The following CYYR1 variants were observed in gnomAD, a reference collection of about 807,000 sequenced individuals.
CYYR1 encodes the protein cysteine and tyrosine-rich protein 1.
CYYR1 carries 14 observed loss-of-function variants against 15.2 expected under a neutral mutation model. That is an observed-to-expected ratio of 0.92 (90% confidence interval 0.61 to 1.44). The LOEUF (loss-of-function observed/expected upper bound fraction) is 1.44, where lower values mean the gene tolerates loss of function less well. CYYR1 is among the 40% of genes most tolerant of loss of function. The probability of loss-of-function intolerance (pLI) is 0.00; values close to 1 mark genes in which losing one functional copy is unlikely to be tolerated. For synonymous variants in CYYR1, 80 were observed against 77.4 expected, an observed-to-expected ratio of 1.03 and a Z score of -0.18; for missense variants, 228 against 209.5, an observed-to-expected ratio of 1.09 and a Z score of -0.54.
At chr21:26,566,136 A>G (rs1980597170) in intron 2 of CYYR1, 130 bp downstream of exon 2, 2 of 642,446 alleles carry the variant, frequency 3.1e-6, no homozygotes, top group Non-Finnish European at 5.4e-6. Context: ...ATCTCCAGTA[A>G]AGATTTCATG....
Position 26,558,134 on chromosome 21 carries a change from C to T in CYYR1, c.176+8132G>A, listed in dbSNP as rs151258467. On this transcript the variant is annotated intron_variant, in intron 2 of 3. Transcript: ENST00000652641. Reference sequence around the variant, plus strand: ...GTAATGCCTGGGAGTTGGTTACAAGCGCAGAATTTCAGGCCCCATCCAGAC... The same window carrying T: ...GTAATGCCTGGGAGTTGGTTACAAGTGCAGAATTTCAGGCCCCATCCAGAC... Among the ~76,000 whole-genome samples, 55 of 152,260 alleles carry T rather than the reference C, an allele frequency of 3.6e-4. No homozygotes were observed. In the East Asian group the frequency reaches 8.9e-3, roughly 25 times the overall value.
intron 2 of CYYR1, among the ~76,000 whole-genome samples, chr21:26,564,145 A>T (rs1569179951): frequency 3.3e-5 from 5 of 151,928 alleles, no homozygotes. Context: ...TCTGGAATTA[A>T]TTTTTTTCCT....
intron 2 of CYYR1, among the ~76,000 whole-genome samples, chr21:26,493,089 G>A (rs903140523): frequency 1.3e-5 from 2 of 152,138 alleles, no homozygotes; most frequent in Non-Finnish European, 2.9e-5. Context: ...ACACAGAAAT[G>A]CCATAGGAAT....
intron 2 of CYYR1, among the ~76,000 whole-genome samples, chr21:26,498,347 A>C (rs2065434995): frequency 6.6e-6 from 1 of 152,204 alleles, no homozygotes; most frequent in Non-Finnish European, 1.5e-5. Context: ...AAAGATGTTA[A>C]GGAAGAAGTA....
intron 2 of CYYR1, among the ~76,000 whole-genome samples, chr21:26,517,361 A>T (rs1176508603): frequency 6.6e-6 from 1 of 152,178 alleles, no homozygotes; most frequent in East Asian, 1.9e-4. Flanking sequence ...TGTCAGATAA[A>T]TCTAATTATT....
intron 2 of CYYR1, among the ~76,000 whole-genome samples, chr21:26,554,571 G>A (rs1186228772): frequency 6.6e-6 from 1 of 151,956 alleles, no homozygotes; most frequent in African/African-American, 2.4e-5. Context: ...ATTTGATTAA[G>A]GGCACCATTT....
chr21:26,560,040 T>C (rs527777017), intron 2 of CYYR1, among the ~76,000 whole-genome samples: 2 of 152,282 alleles, frequency 1.3e-5, no homozygotes, highest in African/African-American at 2.4e-5. Context: ...AGAACTGCCA[T>C]GTTTAAATAT....
At chr21:26,509,373 C>A (rs1249359634) in intron 2 of CYYR1, among the ~76,000 whole-genome samples, 1 of 152,164 alleles carries the variant, frequency 6.6e-6, no homozygotes, top group Non-Finnish European at 1.5e-5. Context: ...ATTGTGGCAC[C>A]TAAGCCTTAA....
At chr21:26,532,787 G>A (rs1448234520) in intron 2 of CYYR1, among the ~76,000 whole-genome samples, 1 of 152,140 alleles carries the variant, frequency 6.6e-6, no homozygotes, top group African/African-American at 2.4e-5. Flanking sequence ...CAGAAATGAT[G>A]GTGATGCCAA....
chr21:26,489,600 T>C (rs1464674381), intron 2 of CYYR1, among the ~76,000 whole-genome samples: 1 of 151,842 alleles, frequency 6.6e-6, no homozygotes, highest in Non-Finnish European at 1.5e-5. Flanking sequence ...ATATAAGATA[T>C]ATATTTAACT....
chr21:26,512,410 C>T (rs968888429), intron 2 of CYYR1, among the ~76,000 whole-genome samples: 3 of 151,950 alleles, frequency 2.0e-5, no homozygotes, highest in Non-Finnish European at 2.9e-5. Context: ...ACTATGTTGG[C>T]CTGGCTGATC....
intron 2 of CYYR1, among the ~76,000 whole-genome samples, chr21:26,565,056 G>T (rs1386456047): frequency 2.0e-5 from 3 of 152,194 alleles, no homozygotes; most frequent in African/African-American, 7.2e-5. Flanking sequence ...TTTTATTGGA[G>T]CTTATTTGCA....
intron 2 of CYYR1, chr21:26,506,669 T>C (rs761706328): frequency 1.3e-5 from 2 of 152,204 alleles, no homozygotes; most frequent in Non-Finnish European, 2.9e-5. Context: ...CTCTTAATCT[T>C]ACCCTGGACA....
At chr21:26,571,689 A>G (rs553368236) in intron 1 of CYYR1, among the ~76,000 whole-genome samples, 1 of 152,372 alleles carries the variant, frequency 6.6e-6, no homozygotes, top group East Asian at 1.9e-4. Flanking sequence ...GACTCTGTTA[A>G]TCCCTCAAAT....
At chr21:26,491,107 A>T (rs2065321430) in intron 2 of CYYR1, among the ~76,000 whole-genome samples, 1 of 152,164 alleles carries the variant, frequency 6.6e-6, no homozygotes, top group Admixed American at 6.5e-5. Context: ...GGAATTATAA[A>T]CTAGAGCCAA....
intron 3 of CYYR1, among the ~76,000 whole-genome samples, chr21:26,472,538 T>G (rs1261870607): frequency 1.3e-5 from 2 of 152,146 alleles, no homozygotes; most frequent in African/African-American, 2.4e-5. Context: ...TTTCTTTTGA[T>G]AACAGCTAGG....
At chr21:26,520,173 C>G (rs117299874) in intron 2 of CYYR1, among the ~76,000 whole-genome samples, 1 of 141,598 alleles carries the variant, frequency 7.1e-6, no homozygotes, top group Non-Finnish European at 1.5e-5. Context: ...CACAGGTATC[C>G]GTGTGCCATG....
intron 3 of CYYR1, chr21:26,478,204 A>C: frequency 1.3e-6 from 2 of 1,531,992 alleles, no homozygotes. Flanking sequence ...ATCTTGGAAG[A>C]TTAAAAGCAC....
chr21:26,470,685 G>C (rs915108286), intron 3 of CYYR1: 4 of 152,160 alleles, frequency 2.6e-5, no homozygotes, highest in Non-Finnish European at 4.4e-5. Flanking sequence ...AAATTACCCA[G>C]ACTCGGGTAT....
Sources: gnomAD v4.1 joint callset for allele counts (sites outside exome capture counted in the v4.1 genomes callset) on GRCh38, gnomAD v4.1.1 for gene constraint, MANE v1.5 for transcripts, NCBI Gene and HGNC (gene_info 2026-07-23, HGNC 2026-07-21) for gene names.